The following SMYD3 variants were observed in gnomAD, a reference collection of about 807,000 sequenced individuals.
The protein encoded by SMYD3 is SET and MYND domain containing 3, also known as histone-lysine N-methyltransferase SMYD3.
Under a neutral mutation model 57.7 loss-of-function variants are expected in SMYD3, and 36 were observed. That is an observed-to-expected ratio of 0.62 (90% CI 0.48 to 0.82). The LOEUF (loss-of-function observed/expected upper bound fraction) is 0.82, where lower values mean the gene tolerates loss of function less well. Ranked by LOEUF, SMYD3 falls within the 40% of genes least tolerant of loss-of-function variation. The pLI, the probability that SMYD3 is intolerant of heterozygous loss-of-function variation, is 0.00. For missense variants in SMYD3, 515 were observed against 538.8 expected (o/e 0.96, Z 0.44); for synonymous variants, 211 against 195.0 (o/e 1.08, Z -0.68).
At chr1:246,151,058 C>A in intron 5 of SMYD3, among the ~76,000 whole-genome samples, 1 of 151,920 alleles carries the variant, frequency 6.6e-6, no homozygotes, top group South Asian at 2.1e-4. Flanking sequence ...CCAGCCTGGC[C>A]AAGATGGTGA....
At chr1:245,989,318 C>A (rs1007118764) in intron 5 of SMYD3, among the ~76,000 whole-genome samples, 1 of 152,304 alleles carries the variant, frequency 6.6e-6, no homozygotes, top group Admixed American at 6.5e-5. Context: ...CCTGTGCACT[C>A]CCCCAGTACT....
chr1:246,353,621 A>C (rs1359835269), intron 2 of SMYD3, among the ~76,000 whole-genome samples: 1 of 152,246 alleles, frequency 6.6e-6, no homozygotes, highest in Non-Finnish European at 1.5e-5. Flanking sequence ...AACAGAATTT[A>C]GGTTTAAAAG....
intron 9 of SMYD3, among the ~76,000 whole-genome samples, chr1:245,862,086 GTTGACTGTTTTCCGTTTTCCTAGTA>G (rs1203221292): frequency 2.0e-5 from 2 of 97,782 alleles, no homozygotes; most frequent in Non-Finnish European, 6.3e-5. Flanking sequence ...TGCTTCCAGA[GTTGACTGTTTTCCGTTTTCCTAGTA>G]TCTTCCATCT....
intron 1 of SMYD3, among the ~76,000 whole-genome samples, chr1:246,368,064 A>G (rs1321319481): frequency 6.6e-6 from 1 of 152,232 alleles, no homozygotes; most frequent in African/African-American, 2.4e-5. Context: ...AGGCTGGGCC[A>G]TAATTAGTTT....
chr1:246,187,287 C>CAAAAAAAAAA (rs201777727), intron 5 of SMYD3, among the ~76,000 whole-genome samples: 1 of 110,492 alleles, frequency 9.1e-6, no homozygotes. Flanking sequence ...GACTCTGTCT[C>CAAAAAAAAAA]AAAAAAAAAA....
intron 10 of SMYD3, among the ~76,000 whole-genome samples, chr1:245,837,731 CT>C (rs2050174597): frequency 6.6e-6 from 1 of 152,120 alleles, no homozygotes; most frequent in South Asian, 2.1e-4. Flanking sequence ...CCGGAGACTT[CT>C]AGTCCACCCC....
intron 10 of SMYD3, among the ~76,000 whole-genome samples, chr1:245,841,756 G>T (rs2050413992): frequency 6.6e-6 from 1 of 152,136 alleles, no homozygotes. Flanking sequence ...TTCAAATGAT[G>T]CCGAATTCTG....
intron 5 of SMYD3, among the ~76,000 whole-genome samples, chr1:246,274,028 CTTCT>C (rs1487456037): frequency 1.3e-5 from 2 of 152,108 alleles, no homozygotes; most frequent in Admixed American, 1.3e-4. Context: ...TTGGTATTAA[CTTCT>C]TTATCAGATA....
chr1:245,767,235 C>T (rs948984842), intron 10 of SMYD3, among the ~76,000 whole-genome samples: 1 of 152,012 alleles, frequency 6.6e-6, no homozygotes, highest in African/African-American at 2.4e-5. Context: ...ATTAAGAGTC[C>T]AAAGTGAAGC....
intron 5 of SMYD3, among the ~76,000 whole-genome samples, chr1:245,967,497 T>C (rs1274950926): frequency 6.6e-6 from 1 of 152,120 alleles, no homozygotes; most frequent in Non-Finnish European, 1.5e-5. Context: ...ATAGGGGCAT[T>C]TGTGGAAGTG....
intron 10 of SMYD3, among the ~76,000 whole-genome samples, chr1:245,768,734 T>C (rs1371084121): frequency 6.6e-6 from 1 of 152,140 alleles, no homozygotes; most frequent in Non-Finnish European, 1.5e-5. Context: ...GTTCAGCTTG[T>C]TTGCCTTCCA....
intron 5 of SMYD3, among the ~76,000 whole-genome samples, chr1:246,044,041 G>T (rs1459103630): frequency 6.6e-6 from 1 of 152,184 alleles, no homozygotes; most frequent in African/African-American, 2.4e-5. Flanking sequence ...ACCTCAGTGA[G>T]GTTCTTTCAC....
intron 5 of SMYD3, among the ~76,000 whole-genome samples, chr1:246,036,797 C>A (rs900863127): frequency 2.2e-4 from 33 of 150,960 alleles, no homozygotes; most frequent in African/African-American, 7.8e-4. Context: ...ATCTCCTGAC[C>A]TCGTGATCCG....
intron 10 of SMYD3, among the ~76,000 whole-genome samples, chr1:245,852,457 A>G (rs2051026146): frequency 6.6e-6 from 1 of 152,246 alleles, no homozygotes; most frequent in Non-Finnish European, 1.5e-5. Context: ...AGATGGCTGA[A>G]GCAGAGATGT....
intron 5 of SMYD3, among the ~76,000 whole-genome samples, chr1:246,156,298 T>C (rs2062022692): frequency 1.3e-5 from 2 of 152,164 alleles, no homozygotes; most frequent in Admixed American, 1.3e-4. Flanking sequence ...CGTGAAGATT[T>C]TTTTAAATCC....
rs952253802 is a variant in SMYD3 at position 246,217,370 on chromosome 1, G to A, written c.531+109831C>T. 5.9e-5 allele frequency among the ~76,000 whole-genome samples: 9 copies of A among 152,176 alleles called. No individual in the cohort carries two copies. In the East Asian group the frequency reaches 1.4e-3, roughly 23 times the overall value. On this transcript the variant is annotated intron_variant, in intron 5 of 11. Transcript: ENST00000490107. Reference sequence around the variant, plus strand: ...TGTCTCTACGAAAAATTAACTGGGCGTGGTGATGTGTGCCTATGGTCCCAG... The same window carrying A: ...TGTCTCTACGAAAAATTAACTGGGCATGGTGATGTGTGCCTATGGTCCCAG...
At chr1:245,869,939 G>A (rs994813380) in intron 8 of SMYD3, among the ~76,000 whole-genome samples, 1 of 152,112 alleles carries the variant, frequency 6.6e-6, no homozygotes, top group African/African-American at 2.4e-5. Context: ...GGTTAGCCTG[G>A]CCCTCCAGGC....
chr1:246,233,764 G>A lies in SMYD3; in HGVS notation c.531+93437C>T, dbSNP rs12749673. On this transcript the variant is annotated intron_variant, in intron 5 of 11. Transcript: ENST00000490107. The stretch of plus-strand genomic sequence containing the variant: ...TCACACTGTGATGAACATATACCAC[G>A]CAGAGGAGAAACGCTCCTTCAATTC... Among the ~76,000 whole-genome samples the A allele has an allele frequency of 2.1e-4, 16 of 75,674 alleles. 1 individual carries two copies. The highest frequency in any genetic ancestry group is 5.1e-4 in the Admixed American group (3 of 5,830). 49.6% of individuals were successfully genotyped at this position (75,674 alleles called of 152,430 possible).
At chr1:246,228,242 T>C (rs1019183489) in intron 5 of SMYD3, among the ~76,000 whole-genome samples, 1 of 152,180 alleles carries the variant, frequency 6.6e-6, no homozygotes, top group Admixed American at 6.5e-5. Context: ...AGTACTGGGA[T>C]TGCAGACGTG....
Sources: allele counts gnomAD v4.1 joint callset (sites outside exome capture counted in the v4.1 genomes callset), GRCh38; gene constraint gnomAD v4.1.1; transcripts MANE v1.5; gene names NCBI Gene and HGNC (gene_info 2026-07-23, HGNC 2026-07-21).